PRKAR2A: variants seen among roughly 807,000 people sequenced by gnomAD.
PRKAR2A encodes the protein cAMP-dependent protein kinase type II-alpha regulatory subunit.
PRKAR2A carries 29 observed loss-of-function variants against 51.9 expected under a neutral mutation model. That is an observed-to-expected ratio of 0.56 (90% CI 0.42 to 0.76). The LOEUF (loss-of-function observed/expected upper bound fraction) is 0.76. Ranked by LOEUF, PRKAR2A falls within the 30% of genes least tolerant of loss-of-function variation. PRKAR2A has a pLI of 0.00. For missense variants in PRKAR2A, 445 were observed against 512.1 expected (o/e 0.87, Z 1.26); for synonymous variants, 178 against 186.2 (o/e 0.96, Z 0.36).
At chr3:48,785,495 G>C (rs2082275714) in intron 4 of PRKAR2A, among the ~76,000 whole-genome samples, 1 of 151,736 alleles carries the variant, frequency 6.6e-6, no homozygotes, top group South Asian at 2.1e-4. Flanking sequence ...CCTGACCTCA[G>C]GTAATCCGCC....
intron 1 of PRKAR2A, among the ~76,000 whole-genome samples, chr3:48,829,241 G>A (rs2083125041): frequency 6.6e-6 from 1 of 151,778 alleles, no homozygotes; most frequent in South Asian, 2.1e-4. Flanking sequence ...AATGAAGGCT[G>A]GGCGCAGAGG....
chr3:48,784,971 T>C (rs1302533783), intron 4 of PRKAR2A, among the ~76,000 whole-genome samples: 1 of 152,214 alleles, frequency 6.6e-6, no homozygotes, highest in African/African-American at 2.4e-5. Context: ...CAAAAAGCTA[T>C]ACAGAACTTT....
At chr3:48,751,772 T>G (rs1277063309) in intron 10 of PRKAR2A, 54 bp from the exon 11 acceptor site, 42 of 1,571,760 alleles carry the variant, frequency 2.7e-5, no homozygotes, top group Non-Finnish European at 3.6e-5. Flanking sequence ...ATTTCCCTCA[T>G]GCAAACCTTT....
chr3:48,774,827 G>GCCTC (rs1419723791), intron 5 of PRKAR2A, among the ~76,000 whole-genome samples: 40 of 150,770 alleles, frequency 2.7e-4, no homozygotes. Flanking sequence ...TTTTTTCCTT[G>GCCTC]CCTCCCTCCC....
chr3:48,765,737 A>AAG lies in PRKAR2A; in HGVS notation c.697-389_697-388insCT, dbSNP rs2081931471. On this transcript the variant is annotated intron_variant, in intron 6 of 10. Transcript: ENST00000265563. ...AGACCCTCATTTCAAAAAAAAAAAAAAAAAAAAAAAAGAGACACCTCACCA... is the reference window on the plus strand; with the variant it reads ...AGACCCTCATTTCAAAAAAAAAAAAAAGAAAAAAAAAAAGAGACACCTCACCA... Among the ~76,000 whole-genome samples the AAG allele has an allele frequency of 2.0e-5, 3 of 150,000 alleles. 1 individual carries two copies. The South Asian group carries it at 6.3e-4, about 31-fold the overall frequency.
intron 8 of PRKAR2A, among the ~76,000 whole-genome samples, chr3:48,757,160 T>C (rs1302892213): frequency 6.6e-6 from 1 of 151,906 alleles, no homozygotes; most frequent in Non-Finnish European, 1.5e-5. Context: ...GAGGGAGAGG[T>C]ACTTCACCAA....
At chr3:48,831,511 C>T (rs1046753890) in intron 1 of PRKAR2A, among the ~76,000 whole-genome samples, 1 of 151,944 alleles carries the variant, frequency 6.6e-6, no homozygotes, top group Non-Finnish European at 1.5e-5. Flanking sequence ...CAACTATAGG[C>T]GTGCATCACC....
At chr3:48,794,917 T>C (rs1206216638) in intron 2 of PRKAR2A, among the ~76,000 whole-genome samples, 2 of 152,048 alleles carry the variant, frequency 1.3e-5, no homozygotes, top group African/African-American at 4.8e-5. Context: ...AATTATTTTC[T>C]AGTGTATAGA....
In PRKAR2A at chr3:48,769,506, C is replaced by T. The variant is rs1312754773; in HGVS notation, c.696+3449G>A. On this transcript the variant is annotated intron_variant, in intron 6 of 10. Coordinates refer to ENST00000265563, the MANE Select transcript of PRKAR2A (RefSeq NM_004157.4). ...TTTTTTTTTTTTTGAGATGGAGTTT[C>T]GTTCTTGTTGACCAGGTTGGAGTGC... is the stretch of plus-strand genomic sequence containing the variant. Among the ~76,000 whole-genome samples the T allele has an allele frequency of 8.0e-5, 12 of 150,016 alleles. No homozygotes were observed. The South Asian group carries it at 1.7e-3, about 21-fold the overall frequency.
intron 3 of PRKAR2A, among the ~76,000 whole-genome samples, chr3:48,792,526 A>C (rs2082407878): frequency 8.4e-6 from 1 of 118,520 alleles, no homozygotes; most frequent in Non-Finnish European, 1.6e-5. Flanking sequence ...CAGTGGCGTG[A>C]TCTCAGCTCA....
chr3:48,810,239 T>TAC lies in PRKAR2A; in HGVS notation c.263-2557_263-2556dup, dbSNP rs904571874. 2.2e-3 allele frequency among the ~76,000 whole-genome samples: 316 copies of TAC among 142,224 alleles called. 4 individuals are homozygous for TAC. Among genetic ancestry groups the TAC allele is most frequent in the African/African-American group, 7.1e-3 (279 of 39,080 alleles). 93.3% of individuals were successfully genotyped at this position (142,224 alleles called of 152,430 possible). A position where few individuals can be genotyped will look rare whatever the true frequency, so the allele number is the denominator to read the frequency against. On this transcript the variant is annotated intron_variant, in intron 1 of 10. Coordinates refer to ENST00000265563, the MANE Select transcript of PRKAR2A (RefSeq NM_004157.4). ...AGAGAAATAAATGTGTGTGTGTGTGTACACACACACACACGTATAGATGAA... is the reference window on the plus strand; with the variant it reads ...AGAGAAATAAATGTGTGTGTGTGTGTACACACACACACACACGTATAGATGAA...
intron 6 of PRKAR2A, among the ~76,000 whole-genome samples, chr3:48,766,076 A>G (rs2081936340): frequency 6.6e-6 from 1 of 152,038 alleles, no homozygotes; most frequent in Non-Finnish European, 1.5e-5. Context: ...ACACAAAAAA[A>G]GTTAGCTGGG....
intron 6 of PRKAR2A, among the ~76,000 whole-genome samples, chr3:48,772,581 A>G (rs541540794): frequency 6.6e-6 from 1 of 152,114 alleles, no homozygotes; most frequent in Non-Finnish European, 1.5e-5. Flanking sequence ...TGTGTGACCT[A>G]TCCTTAAGTC....
intron 5 of PRKAR2A, among the ~76,000 whole-genome samples, chr3:48,778,612 C>T (rs564908487): frequency 3.1e-4 from 47 of 152,158 alleles, no homozygotes; most frequent in African/African-American, 1.1e-3. Flanking sequence ...CTCTGCCTCC[C>T]GGGTTCAAGT....
intron 4 of PRKAR2A, among the ~76,000 whole-genome samples, chr3:48,789,634 G>C (rs2082351766): frequency 6.6e-6 from 1 of 151,806 alleles, no homozygotes; most frequent in Non-Finnish European, 1.5e-5. Context: ...GGGATTACAG[G>C]TGCACACTAC....
At chr3:48,804,612 G>C (rs537233467) in intron 2 of PRKAR2A, among the ~76,000 whole-genome samples, 1 of 152,290 alleles carries the variant, frequency 6.6e-6, no homozygotes, top group South Asian at 2.1e-4. Flanking sequence ...ATCCAGGTCT[G>C]GGTAGGACAG....
chr3:48,785,449 G>A (rs1449376865), intron 4 of PRKAR2A, among the ~76,000 whole-genome samples: 10 of 151,990 alleles, frequency 6.6e-5, no homozygotes, highest in Non-Finnish European at 1.2e-4. Flanking sequence ...TAGTAGAGAC[G>A]GGGTTTCACC....
intron 8 of PRKAR2A, among the ~76,000 whole-genome samples, chr3:48,757,796 C>G (rs1163956871): frequency 6.6e-6 from 1 of 152,102 alleles, no homozygotes; most frequent in Non-Finnish European, 1.5e-5. Flanking sequence ...TGGCTCACGC[C>G]TGTAATCCCA....
chr3:48,794,848 T>G (rs2082464087), intron 2 of PRKAR2A, among the ~76,000 whole-genome samples: 1 of 152,198 alleles, frequency 6.6e-6, no homozygotes, highest in African/African-American at 2.4e-5. Flanking sequence ...TAATATACTT[T>G]TACTGGTTAA....
Sources: allele counts gnomAD v4.1 joint callset (sites outside exome capture counted in the v4.1 genomes callset), GRCh38; gene constraint gnomAD v4.1.1; transcripts MANE v1.5; gene names NCBI Gene and HGNC (gene_info 2026-07-23, HGNC 2026-07-21).